The following NAA30 variants were observed in gnomAD, a reference collection of about 807,000 sequenced individuals.
The protein encoded by NAA30 is N-alpha-acetyltransferase 30, NatC catalytic subunit, also known as N-alpha-acetyltransferase 30.
Under a neutral mutation model 31.4 loss-of-function variants are expected in NAA30, and 5 were observed. The ratio of observed to expected loss-of-function variants is 0.16; its 90% confidence interval spans 0.08 to 0.33. The LOEUF is 0.33. Ranked by LOEUF, NAA30 falls within the 10% of genes least tolerant of loss-of-function variation. The pLI, the probability that NAA30 is intolerant of heterozygous loss-of-function variation, is 1.00. For missense variants in NAA30, 428 were observed against 490.8 expected (o/e 0.87, Z 1.21); for synonymous variants, 222 against 207.1 (o/e 1.07, Z -0.62).
chr14:57,403,214 C>T (rs926458836), intron 4 of NAA30, among the ~76,000 whole-genome samples: 1 of 144,718 alleles, frequency 6.9e-6, no homozygotes, highest in Non-Finnish European at 1.5e-5. Context: ...TCCGTGAAAC[C>T]TTACTGTGCT....
At chr14:57,400,801 C>T (rs1476792661) in intron 4 of NAA30, among the ~76,000 whole-genome samples, 1 of 151,908 alleles carries the variant, frequency 6.6e-6, no homozygotes, top group Non-Finnish European at 1.5e-5. Flanking sequence ...TAACAAAGTC[C>T]CTTCTACCAT....
intron 4 of NAA30, among the ~76,000 whole-genome samples, chr14:57,408,679 A>C (rs751624260): frequency 2.6e-5 from 4 of 152,200 alleles, no homozygotes; most frequent in Non-Finnish European, 5.9e-5. Flanking sequence ...TAACATTTTG[A>C]ATACCTCTTG....
chr14:57,401,442 G>A (rs1057119028), intron 4 of NAA30, among the ~76,000 whole-genome samples: 2 of 152,166 alleles, frequency 1.3e-5, no homozygotes, highest in African/African-American at 4.8e-5. Flanking sequence ...AGGTGCAGTC[G>A]CCAAAGCTTT....
In NAA30 at chr14:57,391,830, G is replaced by A. The variant is rs2066429553; in HGVS notation, c.771+102G>A. On this transcript the variant is annotated intron_variant, in intron 2 of 4. Coordinates refer to ENST00000556492, the MANE Select transcript of NAA30 (RefSeq NM_001011713.3). The surrounding 1 kb of genome is among the most constrained non-coding windows in gnomAD (Gnocchi z 4.1). ...TGTGGCAGTGGATATCTCCTGCTGC[G>A]TATCATAGTACGTTATATGATGTCA... 3.1e-5 allele frequency: 26 copies of A among 840,772 alleles called. 1 individual carries two copies. The South Asian group carries it at 4.2e-4, about 14-fold the overall frequency. 52.1% of individuals were successfully genotyped at this position (840,772 alleles called of 1,614,324 possible).
chr14:57,404,258 G>A (rs1238983457), intron 4 of NAA30, among the ~76,000 whole-genome samples: 5 of 152,106 alleles, frequency 3.3e-5, no homozygotes, highest in African/African-American at 1.2e-4. Flanking sequence ...GGAGGTGGAG[G>A]TTGCAGTGAG....
intron 4 of NAA30, among the ~76,000 whole-genome samples, chr14:57,400,795 A>T (rs1368689064): frequency 1.3e-5 from 2 of 152,246 alleles, no homozygotes; most frequent in Non-Finnish European, 2.9e-5. Flanking sequence ...TTTTGTTAAC[A>T]AAGTCCCTTC....
At chr14:57,406,880 G>T (rs1203353774) in intron 4 of NAA30, among the ~76,000 whole-genome samples, 2 of 152,114 alleles carry the variant, frequency 1.3e-5, no homozygotes, top group Non-Finnish European at 1.5e-5. Flanking sequence ...ATGTCTGTGT[G>T]TGTATGTGTG....
intron 3 of NAA30, among the ~76,000 whole-genome samples, chr14:57,398,414 C>A (rs555458123): frequency 1.3e-5 from 2 of 152,078 alleles, no homozygotes; most frequent in African/African-American, 4.8e-5. Context: ...CCATAAAATG[C>A]GTGCATACTT....
At chr14:57,395,142 T>A (rs947606819) in intron 2 of NAA30, among the ~76,000 whole-genome samples, 5 of 152,152 alleles carry the variant, frequency 3.3e-5, no homozygotes, top group African/African-American at 1.2e-4. Flanking sequence ...AAATTAGAAA[T>A]AACAATTTCA....
At chr14:57,395,625 A>G (rs2066447203) in intron 2 of NAA30, among the ~76,000 whole-genome samples, 2 of 152,156 alleles carry the variant, frequency 1.3e-5, no homozygotes, top group Admixed American at 6.5e-5. Flanking sequence ...AAAATGGGGG[A>G]TGATTAGAAT....
At chr14:57,401,543 G>A (rs573278875) in intron 4 of NAA30, among the ~76,000 whole-genome samples, 1 of 152,310 alleles carries the variant, frequency 6.6e-6, no homozygotes, top group Non-Finnish European at 1.5e-5. Context: ...CACACTGCTT[G>A]TCAGCTCATC....
Position 57,415,275 on chromosome 14 carries a change from T to G in NAA30, c.*5759T>G, listed in dbSNP as rs1435890752. The G allele has an allele frequency of 6.6e-6, 1 of 152,212 alleles. No homozygotes were observed. The highest frequency in any genetic ancestry group is 1.5e-5 in the Non-Finnish European group (1 of 68,030). The allele number at this position is 152,212 out of a possible 1,614,324, so 9.4% of individuals were successfully genotyped here. On this transcript the variant is annotated 3_prime_UTR_variant, in exon 5 of 5. Coordinates refer to ENST00000556492, the MANE Select transcript of NAA30 (RefSeq NM_001011713.3). Reference sequence around the variant, plus strand: ...GGTCTCCTTGACCGAGGGATTTTAGTATAAGTATTTAGTGAGATTTGTATT... The same window carrying G: ...GGTCTCCTTGACCGAGGGATTTTAGGATAAGTATTTAGTGAGATTTGTATT...
intron 4 of NAA30, among the ~76,000 whole-genome samples, chr14:57,406,839 T>G (rs1236540157): frequency 6.6e-6 from 1 of 152,188 alleles, no homozygotes; most frequent in Admixed American, 6.5e-5. Flanking sequence ...TTACAGACTC[T>G]AGTATGACAT....
intron 2 of NAA30, among the ~76,000 whole-genome samples, chr14:57,392,121 A>C (rs911127173): frequency 6.6e-6 from 1 of 152,198 alleles, no homozygotes. Context: ...CTCGATTACA[A>C]CCATAATCAG....
intron 4 of NAA30, 87 bp from the exon 5 acceptor site, chr14:57,409,292 G>T: frequency 9.7e-7 from 1 of 1,035,826 alleles, no homozygotes; most frequent in Non-Finnish European, 1.4e-6. Context: ...TTAAAATAAT[G>T]TATGATTTTT....
rs2066427501 is a variant in NAA30, at chr14:57,391,422, G to GGCAGCGGCGGCGAGCGAT, written c.466_483dup (p.Ala156_Asp161dup). ...GAACTGCGGTCCCCAGCCCGGTGGAGGCAGCGGCGGCGAGCGATCCCGCGG... is the reference window on the plus strand; with the variant it reads ...GAACTGCGGTCCCCAGCCCGGTGGAGGCAGCGGCGGCGAGCGATGCAGCGGCGGCGAGCGATCCCGCGG... On this transcript the variant is annotated inframe_insertion, in exon 2 of 5. Transcript: ENST00000556492. This position sits in a 1 kb window ranked among gnomAD's most constrained non-coding sequence, Gnocchi z 4.1. 6.2e-7 allele frequency: 1 copy of GGCAGCGGCGGCGAGCGAT among 1,606,056 alleles called. No individual in the cohort carries two copies. The highest frequency in any genetic ancestry group is 8.5e-7 in the Non-Finnish European group (1 of 1,176,602).
chr14:57,394,206 T>G (rs2066441616), intron 2 of NAA30, among the ~76,000 whole-genome samples: 1 of 152,116 alleles, frequency 6.6e-6, no homozygotes, highest in Non-Finnish European at 1.5e-5. Context: ...ACATTTTCAG[T>G]TGTTGGTATC....
Position 57,391,486 on chromosome 14 carries a change from G to C in NAA30, c.529G>C (p.Glu177Gln). 6.2e-7 allele frequency: 1 copy of C among 1,613,188 alleles called. No homozygotes were observed. Among genetic ancestry groups the C allele is most frequent in the Non-Finnish European group, 8.5e-7 (1 of 1,179,778 alleles). The stretch of plus-strand genomic sequence containing the variant: ...ACTGGCCGAGGGCACCGAGCAGGAG[G>C]AGGAGGAGGAAGACGAGCAGGTGCG... ...NGLAEGTEQE[E>Q]EEEDEQVRLL... The change falls in exon 2 of 5, where the codon GAG (glutamate) becomes CAG (glutamine). Residue 177 changes from glutamate (E) to glutamine (Q), a missense_variant. Transcript: ENST00000556492. The surrounding 1 kb of genome is among the most constrained non-coding windows in gnomAD (Gnocchi z 4.1).
intron 4 of NAA30, among the ~76,000 whole-genome samples, chr14:57,407,071 T>G (rs755565280): frequency 3.3e-5 from 5 of 152,042 alleles, no homozygotes; most frequent in Non-Finnish European, 5.9e-5. Flanking sequence ...TTTTTAAGGT[T>G]TTTTAGACAT....
Sources: allele counts gnomAD v4.1 joint callset (sites outside exome capture counted in the v4.1 genomes callset), GRCh38; gene constraint gnomAD v4.1.1; non-coding constraint Gnocchi (gnomAD v3.1); transcripts MANE v1.5; gene names NCBI Gene and HGNC (gene_info 2026-07-23, HGNC 2026-07-21).